Variants in DIAPH2 observed in about 807,000 individuals in gnomAD.
The protein encoded by DIAPH2 is diaphanous related formin 2, also known as protein diaphanous homolog 2.
Under a neutral mutation model 92.7 loss-of-function variants are expected in DIAPH2, and 35 were observed. That is an observed-to-expected ratio of 0.38 (90% confidence interval 0.29 to 0.50). The LOEUF (loss-of-function observed/expected upper bound fraction) is 0.50, where lower values mean the gene tolerates loss of function less well. DIAPH2 is among the 20% of genes least tolerant of loss of function. DIAPH2 has a pLI of 0.94. For synonymous variants in DIAPH2, 301 were observed against 280.4 expected, an observed-to-expected ratio of 1.07 and a Z score of -0.73; for missense variants, 701 against 819.5, an observed-to-expected ratio of 0.86 and a Z score of 1.77.
chrX:97,042,490 C>T (rs755398501), intron 17 of DIAPH2, among the ~76,000 whole-genome samples: 1 of 111,720 alleles, frequency 9.0e-6, no homozygotes, highest in African/African-American at 3.2e-5. Context: ...GATCAGAAAT[C>T]CTTTGACTGT....
chrX:97,356,831 A>G (rs1158956024), intron 24 of DIAPH2, among the ~76,000 whole-genome samples: 2 of 111,899 alleles, frequency 1.8e-5, no homozygotes, highest in Admixed American at 1.9e-4. Context: ...TGGTTTTTAA[A>G]TATGTATGCA....
At chrX:97,146,513 A>G (rs1285363043) in intron 22 of DIAPH2, among the ~76,000 whole-genome samples, 3 of 111,286 alleles carry the variant, frequency 2.7e-5, no homozygotes, top group Non-Finnish European at 5.7e-5. Context: ...TCTGTGTGGT[A>G]TAGCAAATAC....
chrX:97,072,854 T>A (rs2147911872), intron 17 of DIAPH2, 87 bp from the exon 18 acceptor site: 1 of 496,520 alleles, frequency 2.0e-6, no homozygotes, highest in Admixed American at 4.7e-5. Context: ...TGAGCTTTAT[T>A]AATGTAGTTA....
At chrX:96,935,142 T>C (rs2065648946) in intron 10 of DIAPH2, among the ~76,000 whole-genome samples, 1 of 111,841 alleles carries the variant, frequency 8.9e-6, no homozygotes, top group Admixed American at 9.5e-5. Flanking sequence ...TTAATAACAG[T>C]GTGTTTCAGT....
intron 17 of DIAPH2, among the ~76,000 whole-genome samples, chrX:96,991,601 T>A (rs2066073049): frequency 9.2e-6 from 1 of 108,306 alleles, no homozygotes; most frequent in Non-Finnish European, 1.9e-5. Flanking sequence ...TCAATATTAT[T>A]TTCTCTTTAA....
chrX:97,352,870 CAAAAA>C (rs1176922373), intron 24 of DIAPH2, among the ~76,000 whole-genome samples: 4 of 27,096 alleles, frequency 1.5e-4, no homozygotes, highest in African/African-American at 5.2e-4. Context: ...AATCTGTCTC[CAAAAA>C]AAAAAAAAAA....
chrX:97,074,314 G>A (rs193022115), intron 18 of DIAPH2, among the ~76,000 whole-genome samples: 2 of 111,340 alleles, frequency 1.8e-5, no homozygotes, highest in South Asian at 3.8e-4. Context: ...GCTGAGGCAC[G>A]AGAATTTCTT....
intron 4 of DIAPH2, among the ~76,000 whole-genome samples, chrX:96,792,520 C>G (rs384448): frequency 0.43 from 47,715 of 110,982 alleles, 8,877 homozygotes; most frequent in African/African-American, 0.74. Flanking sequence ...TTCAGGATAG[C>G]TTTACTGCTT....
At chrX:97,394,622 C>T (rs2069688282) in intron 25 of DIAPH2, among the ~76,000 whole-genome samples, 3 of 111,584 alleles carry the variant, frequency 2.7e-5, no homozygotes, top group Non-Finnish European at 5.6e-5. Context: ...AGTATGAATT[C>T]GTGACTTTGT....
chrX:97,593,204 A>T (rs939569737), intron 26 of DIAPH2, among the ~76,000 whole-genome samples: 1 of 111,715 alleles, frequency 9.0e-6, no homozygotes, highest in Non-Finnish European at 1.9e-5. Flanking sequence ...ACCAGATATT[A>T]AAACATCTCA....
chrX:97,234,861 T>C (rs976093748), intron 22 of DIAPH2, among the ~76,000 whole-genome samples: 18 of 112,173 alleles, frequency 1.6e-4, no homozygotes, highest in Non-Finnish European at 2.8e-4. Flanking sequence ...AATGTATACA[T>C]ATGTCTATTT....
At chrX:96,785,553 C>CA (rs2064449598) in intron 4 of DIAPH2, among the ~76,000 whole-genome samples, 3 of 49 alleles carry the variant, frequency 0.061, no homozygotes, top group Non-Finnish European at 0.12. Flanking sequence ...CTGCAATCTG[C>CA]GCTCGCCTCC....
chrX:97,224,267 A>T (rs1327040203), intron 22 of DIAPH2, among the ~76,000 whole-genome samples: 1 of 111,757 alleles, frequency 8.9e-6, no homozygotes, highest in Non-Finnish European at 1.9e-5. Context: ...CAGAAGATTG[A>T]GATCATTAGA....
chrX:97,222,235 G>A (rs923993625), intron 22 of DIAPH2, among the ~76,000 whole-genome samples: 2 of 110,596 alleles, frequency 1.8e-5, no homozygotes, highest in South Asian at 3.9e-4. Context: ...ATGGAGTTTC[G>A]CTCTTGTTGC....
At chrX:96,749,066 A>G (rs965853188) in intron 3 of DIAPH2, among the ~76,000 whole-genome samples, 2 of 105,412 alleles carry the variant, frequency 1.9e-5, no homozygotes, top group Admixed American at 1.0e-4. Context: ...ATTTACAGAA[A>G]AAGTTTGCCA....
At chrX:97,412,570 A>G (rs1219849621) in intron 25 of DIAPH2, among the ~76,000 whole-genome samples, 4 of 112,026 alleles carry the variant, frequency 3.6e-5, no homozygotes, top group Non-Finnish European at 3.8e-5. Flanking sequence ...GAACTGAAGG[A>G]GATAGAGACA....
chrX:97,565,509 T>C (rs760456226), intron 26 of DIAPH2, among the ~76,000 whole-genome samples: 1 of 112,040 alleles, frequency 8.9e-6, no homozygotes, highest in Non-Finnish European at 1.9e-5. Flanking sequence ...TTATGACCAT[T>C]TTGAGTGTAG....
chrX:96,842,037 G>A (rs1204098396), intron 4 of DIAPH2, among the ~76,000 whole-genome samples: 1 of 111,099 alleles, frequency 9.0e-6, no homozygotes. Context: ...GTTAAGGCAG[G>A]AACCGGCCAT....
chrX:97,340,223 T>G (rs971961784), intron 23 of DIAPH2, among the ~76,000 whole-genome samples: 1 of 111,625 alleles, frequency 9.0e-6, no homozygotes, highest in African/African-American at 3.3e-5. Flanking sequence ...GGGAACTGTG[T>G]TAGGAGAGGT....
Sources: allele counts gnomAD v4.1 joint callset (sites outside exome capture counted in the v4.1 genomes callset), GRCh38; gene constraint gnomAD v4.1.1; transcripts MANE v1.5; gene names NCBI Gene and HGNC (gene_info 2026-07-23, HGNC 2026-07-21).